Variants in EDIL3 observed in about 807,000 individuals in gnomAD.
EDIL3 encodes EGF-like repeat and discoidin I-like domain-containing protein 3.
EDIL3 carries 37 observed loss-of-function variants against 67.4 expected under a neutral mutation model. The observed-to-expected ratio is 0.55, with a 90% CI of 0.42 to 0.72. The LOEUF (loss-of-function observed/expected upper bound fraction) is 0.72, where lower values mean the gene tolerates loss of function less well. Ranked by LOEUF, EDIL3 falls within the 30% of genes least tolerant of loss-of-function variation. EDIL3 has a pLI of 0.00. For synonymous variants in EDIL3, 195 were observed against 196.3 expected (o/e 0.99, Z 0.05); for missense variants, 527 against 586.3 (o/e 0.90, Z 1.04).
At chr5:84,273,774 A>C (rs1262105346) in intron 1 of EDIL3, among the ~76,000 whole-genome samples, 2 of 152,120 alleles carry the variant, frequency 1.3e-5, no homozygotes, top group Admixed American at 6.5e-5. Flanking sequence ...TGGTTTGTCT[A>C]CTTCTCATGG....
chr5:84,117,543 G>C (rs1747692818), intron 5 of EDIL3, among the ~76,000 whole-genome samples: 3 of 148,742 alleles, frequency 2.0e-5, no homozygotes, highest in African/African-American at 4.9e-5. Flanking sequence ...GTTTGGCCTA[G>C]TGATTAAGTA....
chr5:84,223,347 G>A (rs566786435), intron 3 of EDIL3, among the ~76,000 whole-genome samples: 47 of 151,632 alleles, frequency 3.1e-4, no homozygotes, highest in Non-Finnish European at 6.2e-4. Flanking sequence ...CATGTTCACT[G>A]CAGCATTATT....
At chr5:84,329,108 G>A (rs547334743) in intron 1 of EDIL3, among the ~76,000 whole-genome samples, 108 of 152,122 alleles carry the variant, frequency 7.1e-4, no homozygotes, top group Admixed American at 1.3e-3. Flanking sequence ...TATCTGCTTT[G>A]AGAACAAAAA....
At chr5:84,094,930 C>T (rs903770727) in intron 6 of EDIL3, among the ~76,000 whole-genome samples, 1 of 152,076 alleles carries the variant, frequency 6.6e-6, no homozygotes, top group Non-Finnish European at 1.5e-5. Context: ...GAGTTGCTGC[C>T]AAGGCTGTCT....
intron 3 of EDIL3, among the ~76,000 whole-genome samples, chr5:84,209,535 G>A (rs1744070405): frequency 6.6e-6 from 1 of 152,012 alleles, no homozygotes; most frequent in Admixed American, 6.6e-5. Context: ...TAATGGAAGG[G>A]CTGTGTTTGC....
intron 4 of EDIL3, among the ~76,000 whole-genome samples, chr5:84,145,567 T>G (rs1748277920): frequency 6.6e-6 from 1 of 152,238 alleles, no homozygotes; most frequent in Admixed American, 6.6e-5. Context: ...AAAATTTCAT[T>G]ACTGGTATCA....
At chr5:84,211,507 G>A (rs1276081432) in intron 3 of EDIL3, among the ~76,000 whole-genome samples, 9 of 152,164 alleles carry the variant, frequency 5.9e-5, no homozygotes, top group Non-Finnish European at 1.2e-4. Flanking sequence ...AGGATCTTGA[G>A]ATGGGATCAT....
intron 5 of EDIL3, among the ~76,000 whole-genome samples, chr5:84,112,858 T>A (rs1327173342): frequency 6.6e-6 from 1 of 152,134 alleles, no homozygotes; most frequent in Admixed American, 6.6e-5. Context: ...AAAAAATAAA[T>A]ATGAAAGGTA....
intron 9 of EDIL3, among the ~76,000 whole-genome samples, chr5:84,059,619 G>A (rs531587078): frequency 6.6e-6 from 1 of 152,186 alleles, no homozygotes; most frequent in South Asian, 2.1e-4. Context: ...AACAGAACTC[G>A]TATCTTTCAC....
intron 4 of EDIL3, among the ~76,000 whole-genome samples, chr5:84,166,301 T>C (rs1748702181): frequency 6.6e-6 from 1 of 152,188 alleles, no homozygotes; most frequent in Non-Finnish European, 1.5e-5. Flanking sequence ...ATTAATTTTA[T>C]AAGCTCTTAA....
chr5:84,091,268 A>T (rs2112267960), intron 6 of EDIL3, among the ~76,000 whole-genome samples: 1 of 152,344 alleles, frequency 6.6e-6, no homozygotes, highest in African/African-American at 2.4e-5. Flanking sequence ...TAAGAACAAT[A>T]CTGGTTAGAC....
At chr5:83,996,795 C>T (rs768895537) in intron 9 of EDIL3, among the ~76,000 whole-genome samples, 1 of 152,188 alleles carries the variant, frequency 6.6e-6, no homozygotes, top group Non-Finnish European at 1.5e-5. Context: ...ATTCTAGAAC[C>T]ATCCTACTGT....
intron 9 of EDIL3, among the ~76,000 whole-genome samples, chr5:83,984,479 C>G (rs1461758511): frequency 6.6e-6 from 1 of 151,954 alleles, no homozygotes; most frequent in Non-Finnish European, 1.5e-5. Flanking sequence ...ACTGGAAAAC[C>G]AAGTAGGATT....
chr5:84,035,132 G>A (rs896631029), intron 9 of EDIL3, among the ~76,000 whole-genome samples: 1 of 151,922 alleles, frequency 6.6e-6, no homozygotes, highest in Non-Finnish European at 1.5e-5. Flanking sequence ...ATTCTCACTA[G>A]TATTAGTCCT....
intron 4 of EDIL3, among the ~76,000 whole-genome samples, chr5:84,147,472 A>C (rs1748308172): frequency 6.6e-6 from 1 of 152,054 alleles, no homozygotes; most frequent in African/African-American, 2.4e-5. Flanking sequence ...TTAATAGATA[A>C]TACCCAACTG....
chr5:84,316,702 G>A (rs544248672), intron 1 of EDIL3, among the ~76,000 whole-genome samples: 2 of 152,038 alleles, frequency 1.3e-5, no homozygotes, highest in East Asian at 1.9e-4. Flanking sequence ...ACAGATCAAC[G>A]AGACAGAAAA....
chr5:84,074,825 T>C (rs1360167530), intron 6 of EDIL3, among the ~76,000 whole-genome samples: 1 of 152,096 alleles, frequency 6.6e-6, no homozygotes, highest in African/African-American at 2.4e-5. Flanking sequence ...GAAATACCAT[T>C]TGACCCAGCC....
At chr5:84,286,504 G>A (rs1397140678) in intron 1 of EDIL3, among the ~76,000 whole-genome samples, 1 of 152,130 alleles carries the variant, frequency 6.6e-6, no homozygotes, top group African/African-American at 2.4e-5. Context: ...TCAGTAGACA[G>A]TTACACTATG....
At chr5:84,221,958 C>T (rs1459209001) in intron 3 of EDIL3, among the ~76,000 whole-genome samples, 1 of 151,790 alleles carries the variant, frequency 6.6e-6, no homozygotes, top group Non-Finnish European at 1.5e-5. Context: ...CACAACCAAC[C>T]CTTGTTCATT....
Sources: allele counts gnomAD v4.1 joint callset (sites outside exome capture counted in the v4.1 genomes callset), GRCh38; gene constraint gnomAD v4.1.1; transcripts MANE v1.5; gene names NCBI Gene and HGNC (gene_info 2026-07-23, HGNC 2026-07-21).